Variants in SCN3B observed in about 807,000 individuals in gnomAD.
SCN3B encodes the protein sodium channel regulatory subunit beta-3.
In SCN3B, 11 loss-of-function variants were observed where a neutral mutation model predicts 25.4. The observed-to-expected ratio is 0.43, with a 90% confidence interval of 0.27 to 0.72. The LOEUF (loss-of-function observed/expected upper bound fraction) is 0.72, where lower values mean the gene tolerates loss of function less well. SCN3B is among the 30% of genes least tolerant of loss of function. The pLI, the probability that SCN3B is intolerant of heterozygous loss-of-function variation, is 0.18. For synonymous variants in SCN3B, 109 were observed against 110.7 expected (o/e 0.99, Z 0.09); for missense variants, 218 against 278.3 (o/e 0.78, Z 1.54).
At chr11:123,648,634 T>C (rs1031100133) in intron 2 of SCN3B, among the ~76,000 whole-genome samples, 7 of 151,778 alleles carry the variant, frequency 4.6e-5, no homozygotes, top group African/African-American at 1.5e-4. Flanking sequence ...CACAGGGTCA[T>C]TGGAGGATGG....
rs1175258534 is a variant in SCN3B, at chr11:123,654,474, T to TG, written c.-275dup. The TG allele has an allele frequency of 2.6e-5, 4 of 155,944 alleles. No homozygotes were observed. The highest frequency in any genetic ancestry group is 4.3e-5 in the Non-Finnish European group (3 of 70,390). 9.7% of individuals were successfully genotyped at this position (155,944 alleles called of 1,614,324 possible). A position where few individuals can be genotyped will look rare whatever the true frequency, so the allele number is the denominator to read the frequency against. ...CCGTTCGGCCGGCGATGTCAGAGGTTGGGGGGTGGGTGTAGAGGCGGAGCC... is the reference window on the plus strand; with the variant it reads ...CCGTTCGGCCGGCGATGTCAGAGGTTGGGGGGGTGGGTGTAGAGGCGGAGCC... On this transcript the variant is annotated 5_prime_UTR_variant, in exon 1 of 7. The change creates a premature stop within an existing upstream ORF in the 5' untranslated region. Coordinates refer to ENST00000299333, the MANE Select transcript of SCN3B (RefSeq NM_001040151.2).
rs989610997 is a variant in SCN3B at position 123,652,961 on chromosome 11, C to T, written c.55+786G>A. ...TACACACATTCAGGCACTCCAAGACCGTCTCTGACACTCTCTTCAGCCTTT... is the reference window on the plus strand; with the variant it reads ...TACACACATTCAGGCACTCCAAGACTGTCTCTGACACTCTCTTCAGCCTTT... On this transcript the variant is annotated intron_variant, in intron 2 of 6. Coordinates refer to ENST00000299333, the MANE Select transcript of SCN3B (RefSeq NM_001040151.2). Among the ~76,000 whole-genome samples the T allele has an allele frequency of 2.0e-5, 3 of 152,148 alleles. No homozygotes were observed. The South Asian group carries it at 6.2e-4, about 32-fold the overall frequency.
intron 6 of SCN3B, 115 bp downstream of exon 6, chr11:123,634,006 G>T: frequency 1.3e-6 from 1 of 788,490 alleles, no homozygotes; most frequent in African/African-American, 1.7e-5. Context: ...CCCCAGGCAG[G>T]GTAGACAGTG....
intron 2 of SCN3B, among the ~76,000 whole-genome samples, chr11:123,651,902 G>C (rs1337781336): frequency 6.6e-6 from 1 of 152,184 alleles, no homozygotes; most frequent in Non-Finnish European, 1.5e-5. Flanking sequence ...CTGTGGAGCT[G>C]AAAAGGATGT....
rs1164385443 is a variant in SCN3B, at chr11:123,645,685, T to G, written c.121A>C (p.Met41Leu). 1.2e-6 allele frequency: 2 copies of G among 1,614,144 alleles called. No individual in the cohort carries two copies. Among genetic ancestry groups the G allele is most frequent in the Non-Finnish European group, 1.7e-6 (2 of 1,180,028 alleles). ...SETEAVQGNPMKLRCISCMKR... is the reference protein window; with the variant it reads ...SETEAVQGNPLKLRCISCMKR... ...ATGCAGGAGATGCAGCGCAGCTTCA[T>G]GGGGTTGCCCTGCACGGCCTCCGTC... is the stretch of plus-strand genomic sequence containing the variant. Residue 41 changes from methionine (M) to leucine (L), a missense_variant, in exon 3 of 7, where the codon ATG becomes CTG. Physicochemically the swap from Met to Leu is conservative, Grantham distance 15. Transcript: ENST00000299333.
At position 123,630,183 on chromosome 11, in the gene SCN3B, G is replaced by T. The variant is rs182838795; in HGVS notation, c.*3616C>A. On this transcript the variant is annotated 3_prime_UTR_variant, in exon 7 of 7. Coordinates refer to ENST00000299333, the MANE Select transcript of SCN3B (RefSeq NM_001040151.2). ...TGTCTGGGAATGGAGAAACTAAAAGGTCATGCCGTTAAACAAGTGGTGAGA... is the reference window on the plus strand; with the variant it reads ...TGTCTGGGAATGGAGAAACTAAAAGTTCATGCCGTTAAACAAGTGGTGAGA... The T allele has an allele frequency of 6.6e-6, 1 of 152,636 alleles. No homozygotes were observed. Among genetic ancestry groups the T allele is most frequent in the East Asian group, 1.9e-4 (1 of 5,186 alleles). 9.5% of individuals were successfully genotyped at this position (152,636 alleles called of 1,614,324 possible). A position where few individuals can be genotyped will look rare whatever the true frequency, so the allele number is the denominator to read the frequency against.
intron 5 of SCN3B, among the ~76,000 whole-genome samples, chr11:123,637,072 A>G (rs904199837): frequency 6.6e-6 from 1 of 152,156 alleles, no homozygotes; most frequent in African/African-American, 2.4e-5. Flanking sequence ...ATGTTGCTAG[A>G]AATCTGTGGG....
At chr11:123,636,910 T>C (rs1955733588) in intron 5 of SCN3B, among the ~76,000 whole-genome samples, 1 of 152,144 alleles carries the variant, frequency 6.6e-6, no homozygotes. Flanking sequence ...AACCAGGATG[T>C]CTCGATCTCC....
chr11:123,641,679 C>T (rs975934170), intron 4 of SCN3B, among the ~76,000 whole-genome samples: 1 of 152,150 alleles, frequency 6.6e-6, no homozygotes, highest in Non-Finnish European at 1.5e-5. Flanking sequence ...TTCCCACTCA[C>T]GAACACGGAA....
chr11:123,642,743 C>G lies in SCN3B; in HGVS notation c.220-72G>C. 11 of 1,169,514 alleles carry G rather than the reference C, an allele frequency of 9.4e-6. No homozygotes were observed. The highest frequency in any genetic ancestry group is 3.8e-6 in the Non-Finnish European group (3 of 792,220). 72.4% of individuals were successfully genotyped at this position (1,169,514 alleles called of 1,614,324 possible). On this transcript the variant is annotated intron_variant, in intron 3 of 6. Coordinates refer to ENST00000299333, the MANE Select transcript of SCN3B (RefSeq NM_001040151.2). This position sits in a 1 kb window ranked among gnomAD's most constrained non-coding sequence, Gnocchi z 4.3. Reference sequence around the variant, plus strand: ...CAGTGGGGGGAAGCCGAGTTAGGGACAGGGCAGAGAAAAGGAGCAGAATTG... The same window carrying G: ...CAGTGGGGGGAAGCCGAGTTAGGGAGAGGGCAGAGAAAAGGAGCAGAATTG...
intron 3 of SCN3B, among the ~76,000 whole-genome samples, chr11:123,644,811 ATATATAT>A (rs1955834087): frequency 1.1e-4 from 7 of 61,780 alleles, no homozygotes; most frequent in Admixed American, 8.8e-4. Context: ...ATATATATAT[ATATATAT>A]ATATATATAT....
Position 123,642,373 on chromosome 11 carries a change from G to C in SCN3B, c.445+73C>G. 1 of 1,455,652 alleles carries C rather than the reference G, an allele frequency of 6.9e-7. No homozygotes were observed. Among genetic ancestry groups the C allele is most frequent in the East Asian group, 2.3e-5 (1 of 44,110 alleles). 90.2% of individuals were successfully genotyped at this position (1,455,652 alleles called of 1,614,324 possible). Reference sequence around the variant, plus strand: ...TGCACTCTTTAAGGGCCTCACTCGTGGAAAACTGCTGTCCTACCCTTCCCT... The same window carrying C: ...TGCACTCTTTAAGGGCCTCACTCGTCGAAAACTGCTGTCCTACCCTTCCCT... On this transcript the variant is annotated intron_variant, in intron 4 of 6. Transcript: ENST00000299333. The surrounding 1 kb of genome is among the most constrained non-coding windows in gnomAD (Gnocchi z 4.3).
chr11:123,630,899 A>T lies in SCN3B; in HGVS notation c.*2900T>A, dbSNP rs1362057047. 1 of 152,238 alleles carries T rather than the reference A, an allele frequency of 6.6e-6. No homozygotes were observed. The highest frequency in any genetic ancestry group is 1.5e-5 in the Non-Finnish European group (1 of 68,052). 9.4% of individuals were successfully genotyped at this position (152,238 alleles called of 1,614,324 possible). On this transcript the variant is annotated 3_prime_UTR_variant, in exon 7 of 7. Coordinates refer to ENST00000299333, the MANE Select transcript of SCN3B (RefSeq NM_001040151.2). ...GCAGCTATGGTCTAAGTGGAAAGAG[A>T]ACTGAAAGAGGAGTCAGAAGACCTG...
rs1955801566 is a variant in SCN3B, at chr11:123,642,353, T to C, written c.445+93A>G. The C allele has an allele frequency of 1.6e-6, 2 of 1,238,978 alleles. No individual in the cohort carries two copies. Among genetic ancestry groups the C allele is most frequent in the Admixed American group, 3.4e-5 (2 of 58,134 alleles). 76.7% of individuals were successfully genotyped at this position (1,238,978 alleles called of 1,614,324 possible). ...ATTCCAAATACATGGGTTTTTGCAC[T>C]CTTTAAGGGCCTCACTCGTGGAAAA... On this transcript the variant is annotated intron_variant, in intron 4 of 6. Coordinates refer to ENST00000299333, the MANE Select transcript of SCN3B (RefSeq NM_001040151.2). The surrounding 1 kb of genome is among the most constrained non-coding windows in gnomAD (Gnocchi z 4.3).
intron 4 of SCN3B, chr11:123,640,926 C>T (rs939270001): frequency 6.6e-6 from 1 of 152,244 alleles, no homozygotes; most frequent in Admixed American, 6.5e-5. Flanking sequence ...GGCTCTGTGG[C>T]TCTGATAATA....
rs553313245 is a variant in SCN3B, at chr11:123,629,825, T to G, written c.*3974A>C. 1 of 146,338 alleles carries G rather than the reference T, an allele frequency of 6.8e-6. No homozygotes were observed. Among genetic ancestry groups the G allele is most frequent in the African/African-American group, 2.8e-5 (1 of 36,108 alleles). 9.1% of individuals were successfully genotyped at this position (146,338 alleles called of 1,614,324 possible). On this transcript the variant is annotated 3_prime_UTR_variant, in exon 7 of 7. Transcript: ENST00000299333. ...GTGAGAGGAAGGCTTCTTTTGTTTT[T>G]GTTTTTCATTTTTTTCTTTTTTCAT...
intron 2 of SCN3B, among the ~76,000 whole-genome samples, chr11:123,651,648 G>C (rs1482270087): frequency 6.6e-6 from 1 of 152,210 alleles, no homozygotes; most frequent in Non-Finnish European, 1.5e-5. Flanking sequence ...ACAGGCGTGA[G>C]CCACTGCGCC....
intron 4 of SCN3B, chr11:123,638,793 C>G (rs1041244352): frequency 4.6e-6 from 1 of 218,232 alleles, no homozygotes. Context: ...TCAACTGCCT[C>G]TGTCTTTTGA....
rs1306658128 is a variant in SCN3B at position 123,653,756 on chromosome 11, T to C, written c.46A>G (p.Ile16Val). The C allele has an allele frequency of 3.7e-6, 6 of 1,614,240 alleles. No individual in the cohort carries two copies. The highest frequency in any genetic ancestry group is 5.1e-6 in the Non-Finnish European group (6 of 1,180,038). ...AGGTGCTGGTACTTACCCCAGTAGA[T>C]AAGCACGAGAGAAGCCAGGGGAAAC... ...RLFPLASLVL[I>V]YWVSVCFPVC... is the part of the protein sequence containing the mutation. Residue 16 changes from isoleucine (I) to valine (V), a missense_variant, in exon 2 of 7, where the codon ATC becomes GTC. Coordinates refer to ENST00000299333, the MANE Select transcript of SCN3B (RefSeq NM_001040151.2).
Sources: gnomAD v4.1 joint callset for allele counts (sites outside exome capture counted in the v4.1 genomes callset) on GRCh38, gnomAD v4.1.1 for gene constraint, Gnocchi (gnomAD v3.1) non-coding constraint, MANE v1.5 for transcripts, NCBI Gene and HGNC (gene_info 2026-07-23, HGNC 2026-07-21) for gene names.